The following GABRB1 variants were observed in gnomAD, a reference collection of about 807,000 sequenced individuals.
GABRB1 encodes the protein gamma-aminobutyric acid type A receptor subunit beta1.
GABRB1 carries 17 observed loss-of-function variants against 51.6 expected under a neutral mutation model. The observed-to-expected ratio is 0.33, with a 90% CI of 0.23 to 0.49. The LOEUF (loss-of-function observed/expected upper bound fraction) is 0.49, where lower values mean the gene tolerates loss of function less well. GABRB1 is among the 20% of genes least tolerant of loss of function. The probability of loss-of-function intolerance (pLI) is 0.99; values close to 1 mark genes in which losing one functional copy is unlikely to be tolerated. For synonymous variants in GABRB1, 247 were observed against 218.9 expected (o/e 1.13, Z -1.14); for missense variants, 410 against 600.6 (o/e 0.68, Z 3.32).
intron 3 of GABRB1, among the ~76,000 whole-genome samples, chr4:47,151,432 TG>T (rs1717445636): frequency 6.6e-6 from 1 of 152,034 alleles, no homozygotes; most frequent in African/African-American, 2.4e-5. Flanking sequence ...CAAAGTAATG[TG>T]GGTTTTGATA....
chr4:47,031,528 T>A, upstream of GABRB1: 1 of 744,130 alleles, frequency 1.3e-6, no homozygotes, highest in Non-Finnish European at 2.4e-6. Context: ...GCACAAGGTG[T>A]CTTTTGGTAG....
intron 5 of GABRB1, among the ~76,000 whole-genome samples, chr4:47,397,463 C>T (rs1005993995): frequency 3.9e-5 from 6 of 152,022 alleles, no homozygotes; most frequent in Admixed American, 1.3e-4. Context: ...TTATTGTTAC[C>T]CATTGATCTT....
chr4:47,273,864 T>TACACAC (rs5858061), intron 4 of GABRB1, among the ~76,000 whole-genome samples: 82 of 122,414 alleles, frequency 6.7e-4, no homozygotes, highest in African/African-American at 2.1e-3. Context: ...CATATATACA[T>TACACAC]ACACACACAC....
At chr4:47,092,479 C>G (rs568232328) in intron 3 of GABRB1, among the ~76,000 whole-genome samples, 76 of 152,000 alleles carry the variant, frequency 5.0e-4, no homozygotes, top group Non-Finnish European at 8.4e-4. Context: ...CGCCAATTCC[C>G]AGGAATTCTA....
intron 5 of GABRB1, among the ~76,000 whole-genome samples, chr4:47,335,998 A>C (rs996808168): frequency 2.0e-5 from 2 of 98,868 alleles, no homozygotes; most frequent in Admixed American, 2.0e-4. Flanking sequence ...TTTTGTCATA[A>C]GTTCTGTTTT....
chr4:47,115,553 C>A (rs1715441441), intron 3 of GABRB1, among the ~76,000 whole-genome samples: 2 of 151,692 alleles, frequency 1.3e-5, no homozygotes, highest in South Asian at 4.2e-4. Flanking sequence ...TTCAACTTAT[C>A]TTTAAATCAT....
intron 3 of GABRB1, among the ~76,000 whole-genome samples, chr4:47,079,036 G>C (rs549096031): frequency 2.2e-4 from 34 of 152,248 alleles, no homozygotes; most frequent in African/African-American, 7.0e-4. Context: ...GAGGATTCTT[G>C]TGTCGATGTT....
intron 5 of GABRB1, among the ~76,000 whole-genome samples, chr4:47,376,743 G>GTGAAAGGAAT (rs1553880088): frequency 1.8e-4 from 28 of 151,690 alleles, no homozygotes; most frequent in Non-Finnish European, 3.7e-4. Flanking sequence ...GATTTGAGCA[G>GTGAAAGGAAT]TGAAAGGAAA....
chr4:47,164,247 C>T (rs879430756), intron 4 of GABRB1, among the ~76,000 whole-genome samples: 17 of 152,004 alleles, frequency 1.1e-4, no homozygotes, highest in African/African-American at 2.2e-4. Context: ...ACCTACTAAA[C>T]GCAAATTCCA....
intron 4 of GABRB1, among the ~76,000 whole-genome samples, chr4:47,255,230 A>G (rs116724288): frequency 0.013 from 2,038 of 152,342 alleles, 37 homozygotes; most frequent in South Asian, 0.052. Flanking sequence ...GAGCCCATTT[A>G]AATAGAGTTC....
intron 3 of GABRB1, among the ~76,000 whole-genome samples, chr4:47,093,763 C>T (rs1030139831): frequency 8.5e-5 from 13 of 152,232 alleles, no homozygotes; most frequent in East Asian, 1.9e-4. Flanking sequence ...GCACCTGCAA[C>T]GTCACAAATG....
chr4:47,113,601 T>C (rs964941994), intron 3 of GABRB1, among the ~76,000 whole-genome samples: 10 of 152,114 alleles, frequency 6.6e-5, no homozygotes, highest in Non-Finnish European at 1.5e-4. Context: ...ATGGATACAT[T>C]TTCAACACAT....
At chr4:47,183,041 G>C (rs1719021031) in intron 4 of GABRB1, among the ~76,000 whole-genome samples, 2 of 151,750 alleles carry the variant, frequency 1.3e-5, no homozygotes, top group South Asian at 4.2e-4. Flanking sequence ...CAATGTTACT[G>C]TTACTGGTAG....
intron 5 of GABRB1, among the ~76,000 whole-genome samples, chr4:47,330,537 G>GACTCTCCAA (rs1337261465): frequency 3.9e-5 from 6 of 152,276 alleles, no homozygotes; most frequent in Admixed American, 1.3e-4. Flanking sequence ...ATGAGCAGCA[G>GACTCTCCAA]TGTTCATTCA....
chr4:47,425,380 C>CACACACACACACACAT (rs1377369592), intron 8 of GABRB1, among the ~76,000 whole-genome samples: 177 of 116,868 alleles, frequency 1.5e-3, no homozygotes, highest in African/African-American at 4.9e-3. Context: ...AGAAATACCA[C>CACACACACACACACAT]ACACACACAC....
At chr4:47,345,754 A>C (rs1233419189) in intron 5 of GABRB1, among the ~76,000 whole-genome samples, 1 of 152,170 alleles carries the variant, frequency 6.6e-6, no homozygotes, top group Non-Finnish European at 1.5e-5. Flanking sequence ...TCCGGACCTC[A>C]TGTCACTGGT....
At chr4:47,163,916 C>A (rs951501908) in intron 4 of GABRB1, among the ~76,000 whole-genome samples, 1 of 151,998 alleles carries the variant, frequency 6.6e-6, no homozygotes, top group African/African-American at 2.4e-5. Context: ...AGGTAATTTA[C>A]AAACAAGAGA....
chr4:47,289,113 T>G (rs530024612), intron 4 of GABRB1, among the ~76,000 whole-genome samples: 1 of 152,118 alleles, frequency 6.6e-6, no homozygotes, highest in Non-Finnish European at 1.5e-5. Flanking sequence ...GAGGAATTTT[T>G]TGACTCTTCC....
chr4:47,406,608 A>G, intron 7 of GABRB1, 74 bp from the exon 8 acceptor site: 1 of 1,582,934 alleles, frequency 6.3e-7, no homozygotes, highest in Non-Finnish European at 8.6e-7. Flanking sequence ...GGCAAATGGC[A>G]TCTGTCCTCT....
Sources: allele counts gnomAD v4.1 joint callset (sites outside exome capture counted in the v4.1 genomes callset), GRCh38; gene constraint gnomAD v4.1.1; transcripts MANE v1.5; gene names NCBI Gene and HGNC (gene_info 2026-07-23, HGNC 2026-07-21).